Variants in SLC25A24 observed in about 807,000 individuals in gnomAD.
SLC25A24 encodes the protein mitochondrial adenyl nucleotide antiporter SLC25A24.
SLC25A24 carries 49 observed loss-of-function variants against 60.7 expected under a neutral mutation model. The observed-to-expected ratio is 0.81, with a 90% CI of 0.64 to 1.02. The LOEUF is 1.02. Among genes scored for constraint, SLC25A24 ranks in the 50% least tolerant of loss-of-function variants. The pLI is 0.00. For synonymous variants in SLC25A24, 202 were observed against 200.6 expected (o/e 1.01, Z -0.06); for missense variants, 564 against 586.3 (o/e 0.96, Z 0.39).
chr1:108,137,079 T>C (rs1310081267), intron 9 of SLC25A24, among the ~76,000 whole-genome samples: 4 of 152,188 alleles, frequency 2.6e-5, no homozygotes, highest in Non-Finnish European at 4.4e-5. Flanking sequence ...AATACTGGGT[T>C]AATTACCTTC....
intron 4 of SLC25A24, among the ~76,000 whole-genome samples, chr1:108,160,142 C>T (rs891184372): frequency 3.6e-4 from 55 of 151,980 alleles, no homozygotes; most frequent in South Asian, 1.0e-3. Context: ...CGGGCGGAGA[C>T]GCTCCTCACT....
chr1:108,187,927 G>GATAGATATAGATATATATATATATAT, intron 1 of SLC25A24, among the ~76,000 whole-genome samples: 2 of 95,748 alleles, frequency 2.1e-5, no homozygotes, highest in Non-Finnish European at 4.2e-5. Context: ...AGACATTATA[G>GATAGATATAGATATATATATATATAT]ATATATATAT....
At chr1:108,179,723 C>T (rs976396760) in intron 3 of SLC25A24, among the ~76,000 whole-genome samples, 4 of 151,962 alleles carry the variant, frequency 2.6e-5, no homozygotes, top group Admixed American at 1.3e-4. Flanking sequence ...CTTTGGGAGT[C>T]GGGTATGGTT....
chr1:108,151,232 AC>A (rs1469512649), intron 6 of SLC25A24, among the ~76,000 whole-genome samples: 3 of 151,970 alleles, frequency 2.0e-5, no homozygotes, highest in African/African-American at 4.8e-5. Flanking sequence ...CAGAAAAAAA[AC>A]AAAAAAACAA....
chr1:108,158,865 C>T (rs1199978101), intron 4 of SLC25A24, among the ~76,000 whole-genome samples: 1 of 151,856 alleles, frequency 6.6e-6, no homozygotes, highest in African/African-American at 2.4e-5. Flanking sequence ...TAGCCAGGCG[C>T]AGTGGTGGGT....
In SLC25A24 at chr1:108,157,603, A is replaced by C; in HGVS notation, c.528T>G (p.Asp176Glu). 4 of 1,614,026 alleles carry C rather than the reference A, an allele frequency of 2.5e-6. No individual in the cohort carries two copies. Among genetic ancestry groups the C allele is most frequent in the Non-Finnish European group, 3.4e-6 (4 of 1,179,948 alleles). The change falls in exon 5 of 10, where the codon GAT becomes GAG. Residue 176 changes from aspartate (D) to glutamate (E), a missense_variant. Transcript: ENST00000565488. Reference sequence around the variant, plus strand: ...TGAATTCATCTGGAATAGTTAAGCTATCCCCTATGTCAATTCCCTGTAAAA... The same window carrying C: ...TGAATTCATCTGGAATAGTTAAGCTCTCCCCTATGTCAATTCCCTGTAAAA... ...WKHSTGIDIG[D>E]SLTIPDEFTE...
chr1:108,150,929 G>A (rs963800928), intron 6 of SLC25A24, among the ~76,000 whole-genome samples: 6 of 151,956 alleles, frequency 3.9e-5, no homozygotes, highest in East Asian at 1.9e-4. Context: ...GGCCAGGCAC[G>A]GTGGCTCACT....
chr1:108,167,501 T>C (rs909844054), intron 3 of SLC25A24, among the ~76,000 whole-genome samples: 3 of 152,184 alleles, frequency 2.0e-5, no homozygotes, highest in Non-Finnish European at 4.4e-5. Flanking sequence ...TGGTGCGCCA[T>C]TTTTTAAGCC....
At chr1:108,151,032 C>A (rs935083122) in intron 6 of SLC25A24, among the ~76,000 whole-genome samples, 2 of 152,034 alleles carry the variant, frequency 1.3e-5, no homozygotes, top group African/African-American at 4.8e-5. Context: ...GAAACCTCAC[C>A]TCTACTAAAA....
At chr1:108,146,148 T>A (rs1679583225) in intron 7 of SLC25A24, among the ~76,000 whole-genome samples, 1 of 152,200 alleles carries the variant, frequency 6.6e-6, no homozygotes. Flanking sequence ...TAAGTTGTAT[T>A]CCGAGGTATT....
At chr1:108,186,480 C>T (rs1311421098) in intron 1 of SLC25A24, among the ~76,000 whole-genome samples, 1 of 151,780 alleles carries the variant, frequency 6.6e-6, no homozygotes, top group African/African-American at 2.4e-5. Context: ...TCACTTGAGC[C>T]CAGGAATTTG....
Position 108,200,063 on chromosome 1 carries a change from T to A in SLC25A24, c.76A>T (p.Thr26Ser). 1.3e-6 allele frequency: 2 copies of A among 1,599,180 alleles called. No individual in the cohort carries two copies. Among genetic ancestry groups the A allele is most frequent in the South Asian group, 1.1e-5 (1 of 88,136 alleles). ...TTGCGGTCCAGTGCCTGGAAGAGGG[T>A]CTCGTAGCGCGTCGGCTGCTCCGCG... The part of the protein sequence containing the change: ...QDAEQPTRYE[T>S]LFQALDRNGD... The change falls in exon 1 of 10, where the codon ACC (threonine) becomes TCC (serine). Residue 26 changes from threonine to serine, a missense_variant. Transcript: ENST00000565488.
chr1:108,140,671 T>C lies in SLC25A24; in HGVS notation c.1099-1463A>G, dbSNP rs555632129. On this transcript the variant is annotated intron_variant, in intron 8 of 9. Transcript: ENST00000565488. Reference sequence around the variant, plus strand: ...TGAAATATGTAAAGAAATAGAGTTTTATATACCACTGAAGTTAAGTTGTAA... The same window carrying C: ...TGAAATATGTAAAGAAATAGAGTTTCATATACCACTGAAGTTAAGTTGTAA... 2.6e-5 allele frequency among the ~76,000 whole-genome samples: 4 copies of C among 152,216 alleles called. No homozygotes were observed. In the South Asian group the frequency reaches 8.3e-4, roughly 32 times the overall value.
At chr1:108,151,100 T>C (rs1350533994) in intron 6 of SLC25A24, among the ~76,000 whole-genome samples, 6 of 151,804 alleles carry the variant, frequency 4.0e-5, no homozygotes, top group Non-Finnish European at 1.5e-5. Context: ...ACTCAGGAGG[T>C]TGAGGCAGAA....
At chr1:108,160,860 G>T (rs1019453020) in intron 4 of SLC25A24, among the ~76,000 whole-genome samples, 1 of 152,206 alleles carries the variant, frequency 6.6e-6, no homozygotes, top group Non-Finnish European at 1.5e-5. Flanking sequence ...TGAGGCAGGA[G>T]AATCAGGCAG....
chr1:108,194,781 CTGTT>C (rs1648441434), intron 1 of SLC25A24, among the ~76,000 whole-genome samples: 1 of 152,176 alleles, frequency 6.6e-6, no homozygotes, highest in Admixed American at 6.5e-5. Flanking sequence ...ATGTCTGGCA[CTGTT>C]TGAAAACATT....
chr1:108,188,848 C>T (rs1182526748), intron 1 of SLC25A24, among the ~76,000 whole-genome samples: 3 of 152,172 alleles, frequency 2.0e-5, no homozygotes, highest in Non-Finnish European at 4.4e-5. Flanking sequence ...CCTCTTCATG[C>T]TACCTCACAG....
At chr1:108,182,911 T>A (rs1647980476) in intron 2 of SLC25A24, among the ~76,000 whole-genome samples, 1 of 151,554 alleles carries the variant, frequency 6.6e-6, no homozygotes, top group East Asian at 1.9e-4. Context: ...AGACAGAAAA[T>A]TTTTAATACT....
intron 3 of SLC25A24, among the ~76,000 whole-genome samples, chr1:108,171,349 CTAGTATTG>C: frequency 6.6e-6 from 1 of 152,224 alleles, no homozygotes; most frequent in South Asian, 2.1e-4. Flanking sequence ...CTATTATTGT[CTAGTATTG>C]TAGTTGTCCT....
Sources: gnomAD v4.1 joint callset for allele counts (sites outside exome capture counted in the v4.1 genomes callset) on GRCh38, gnomAD v4.1.1 for gene constraint, MANE v1.5 for transcripts, NCBI Gene and HGNC (gene_info 2026-07-23, HGNC 2026-07-21) for gene names.